The following MUC5AC variants were observed in gnomAD, a reference collection of about 807,000 sequenced individuals.
The protein encoded by MUC5AC is mucin-5AC.
MUC5AC carries 158 observed loss-of-function variants against 169.7 expected under a neutral mutation model. The observed-to-expected ratio is 0.93, with a 90% CI of 0.82 to 1.06. The LOEUF (loss-of-function observed/expected upper bound fraction) is 1.06, where lower values mean the gene tolerates loss of function less well. Ranked by LOEUF, MUC5AC falls within the 50% of genes least tolerant of loss-of-function variation. The pLI is 0.00. For synonymous variants in MUC5AC, 1,975 were observed against 1,237.0 expected (o/e 1.60, Z -12.52); for missense variants, 4,359 against 3,089.9 (o/e 1.41, Z -9.74).
chr11:1,177,830 G>A (rs1319823555), intron 24 of MUC5AC, among the ~76,000 whole-genome samples, 197 bp downstream of exon 24: 1 of 152,332 alleles, frequency 6.6e-6, no homozygotes, highest in Non-Finnish European at 1.5e-5. Context: ...TCAGTGTTCT[G>A]GGGCTAGAGC....
In MUC5AC at chr11:1,184,737, C is replaced by T. The variant is rs1860889877; in HGVS notation, c.6592C>T (p.Gln2198Ter). The change falls in exon 31 of 49, where the codon CAG (glutamine) becomes TAG (stop). Residue 2198 changes from glutamine to a stop codon, truncating the protein, a stop_gained. Transcript: ENST00000621226. LOFTEE classifies it high-confidence loss of function. ...EGLVCRNQDQQGPFKMCLNYE... is the reference protein window; with the variant it reads ...EGLVCRNQDQ ...CCTGGTGTGCCGGAACCAGGACCAGCAGGGACCCTTCAAGATGTGCCTCAA... is the reference window on the plus strand; with the variant it reads ...CCTGGTGTGCCGGAACCAGGACCAGTAGGGACCCTTCAAGATGTGCCTCAA... 1.6e-6 allele frequency: 1 copy of T among 637,108 alleles called. No individual in the cohort carries two copies. The highest frequency in any genetic ancestry group is 2.6e-5 in the Admixed American group (1 of 38,290). 39.5% of individuals were successfully genotyped at this position (637,108 alleles called of 1,614,324 possible). A position where few individuals can be genotyped will look rare whatever the true frequency, so the allele number is the denominator to read the frequency against.
chr11:1,168,183 G>C (rs993191030), intron 12 of MUC5AC, among the ~76,000 whole-genome samples, 196 bp downstream of exon 12: 2 of 152,176 alleles, frequency 1.3e-5, no homozygotes, highest in African/African-American at 4.8e-5. Flanking sequence ...CGGGCCTCCC[G>C]GGCCGCCATA....
intron 15 of MUC5AC, among the ~76,000 whole-genome samples, chr11:1,170,741 T>C (rs1313198813): frequency 7.3e-5 from 6 of 81,790 alleles, no homozygotes; most frequent in Non-Finnish European, 2.6e-5. Flanking sequence ...ACTCACCCAT[T>C]CACCCATTCA....
chr11:1,199,974 G>A lies in MUC5AC; in HGVS notation c.16700+5G>A, dbSNP rs1396388519. Reference sequence around the variant, plus strand: ...CTGTGGGGACAGCTCTTCCATGTACGTGCCTGGGCAGCAGGCAGGGAGACG... The same window carrying A: ...CTGTGGGGACAGCTCTTCCATGTACATGCCTGGGCAGCAGGCAGGGAGACG... On this transcript the variant is annotated splice_donor_5th_base_variant and intron_variant, in intron 48 of 48. Coordinates refer to ENST00000621226, the MANE Select transcript of MUC5AC (RefSeq NM_001304359.2). The A allele has an allele frequency of 5.3e-6, 4 of 758,354 alleles. No homozygotes were observed. The highest frequency in any genetic ancestry group is 1.4e-5 in the South Asian group (1 of 73,354). The allele number at this position is 758,354 out of a possible 1,614,324, so 47.0% of individuals were successfully genotyped here. A position where few individuals can be genotyped will look rare whatever the true frequency, so the allele number is the denominator to read the frequency against.
rs766453567 is a variant in MUC5AC at position 1,197,656 on chromosome 11, G to A, written c.16033+17G>A. On this transcript the variant is annotated intron_variant, in intron 41 of 48. Transcript: ENST00000621226. ...ACAGCTGCGGTAAGCCCTTTGCTGGGTGAGGGGCATGGTGTGGCAGGCAGG... is the reference window on the plus strand; with the variant it reads ...ACAGCTGCGGTAAGCCCTTTGCTGGATGAGGGGCATGGTGTGGCAGGCAGG... The A allele has an allele frequency of 2.6e-5, 18 of 683,362 alleles. No individual in the cohort carries two copies. In the African/African-American group the frequency reaches 2.8e-4, roughly 11 times the overall value. The allele number at this position is 683,362 out of a possible 1,614,324, so 42.3% of individuals were successfully genotyped here. A position where few individuals can be genotyped will look rare whatever the true frequency, so the allele number is the denominator to read the frequency against.
In MUC5AC at chr11:1,168,858, C is replaced by G; in HGVS notation, c.1706-4C>G. On this transcript the variant is annotated splice_polypyrimidine_tract_variant and splice_region_variant and intron_variant, in intron 14 of 48. Transcript: ENST00000621226. ...GGTCCTCAACCTGCCTAACCCGCCC[C>G]CAGGTCTCTGTGGGAACTTCAACAG... The G allele has an allele frequency of 6.3e-7, 1 of 1,588,738 alleles. No homozygotes were observed. Among genetic ancestry groups the G allele is most frequent in the South Asian group, 1.1e-5 (1 of 88,316 alleles).
Position 1,157,976 on chromosome 11 carries a change from G to A in MUC5AC, c.-24G>A, listed in dbSNP as rs1278968580. 5 of 1,571,796 alleles carry A rather than the reference G, an allele frequency of 3.2e-6. No homozygotes were observed. The highest frequency in any genetic ancestry group is 3.4e-4 in the Middle Eastern group (2 of 5,892). On this transcript the variant is annotated 5_prime_UTR_variant, in exon 1 of 49. Coordinates refer to ENST00000621226, the MANE Select transcript of MUC5AC (RefSeq NM_001304359.2). ...TCCTCAGAGGCTGCTGAGGGACAGG[G>A]CACTCTTCCCCGCCGTCCACACAAT...
In MUC5AC at chr11:1,185,278, G is replaced by T; in HGVS notation, c.7133G>T (p.Ser2378Ile). The T allele has an allele frequency of 3.5e-6, 2 of 572,978 alleles. No individual in the cohort carries two copies. The highest frequency in any genetic ancestry group is 6.2e-6 in the Non-Finnish European group (2 of 322,174). 35.5% of individuals were successfully genotyped at this position (572,978 alleles called of 1,614,324 possible). A position where few individuals can be genotyped will look rare whatever the true frequency, so the allele number is the denominator to read the frequency against. The change falls in exon 31 of 49, where the codon AGC becomes ATC. Residue 2378 changes from serine to isoleucine, a missense_variant. Coordinates refer to ENST00000621226, the MANE Select transcript of MUC5AC (RefSeq NM_001304359.2). ...PTTSTTSART[S>I]STTSATTTSR... ...ACCAGCACAACCTCTGCCCGTACAA[G>T]CAGCACAACCTCTGCCACTACCACC... is the stretch of plus-strand genomic sequence containing the variant.
chr11:1,173,423 A>G (rs1405654387), intron 16 of MUC5AC, among the ~76,000 whole-genome samples: 4 of 149,136 alleles, frequency 2.7e-5, no homozygotes, highest in African/African-American at 5.0e-5. Context: ...TCCTTCACCT[A>G]CTCATTCATT....
chr11:1,180,814 G>A (rs1355772063), intron 28 of MUC5AC, among the ~76,000 whole-genome samples: 2 of 152,128 alleles, frequency 1.3e-5, no homozygotes, highest in African/African-American at 4.8e-5. Flanking sequence ...AAGCTGGGCC[G>A]AGATGGAGCC....
chr11:1,161,997 G>A lies in MUC5AC; in HGVS notation c.302G>A (p.Gly101Asp), dbSNP rs1157118855. 4.3e-6 allele frequency: 7 copies of A among 1,612,476 alleles called. No homozygotes were observed. Among genetic ancestry groups the A allele is most frequent in the Non-Finnish European group, 3.4e-6 (4 of 1,179,740 alleles). ...TFDGDVFRFP[G>D]LCNYVFSEHC... ...GACGGCGACGTCTTCCGCTTCCCCGGCCTCTGCAACTACGTGTTCTCCGAG... is the reference window on the plus strand; with the variant it reads ...GACGGCGACGTCTTCCGCTTCCCCGACCTCTGCAACTACGTGTTCTCCGAG... The change falls in exon 4 of 49, where the codon GGC becomes GAC. Residue 101 changes from glycine (G) to aspartate (D), a missense_variant. Transcript: ENST00000621226.
intron 1 of MUC5AC, among the ~76,000 whole-genome samples, chr11:1,158,948 C>A (rs943397676): frequency 1.3e-5 from 2 of 152,234 alleles, no homozygotes; most frequent in Non-Finnish European, 2.9e-5. Context: ...GGACTCTGCC[C>A]CGCCGTCCCT....
chr11:1,169,742 C>T (rs1253435378), intron 15 of MUC5AC, among the ~76,000 whole-genome samples: 11 of 144,022 alleles, frequency 7.6e-5, no homozygotes, highest in East Asian at 2.2e-4. Flanking sequence ...CTCACCCATT[C>T]GCTCACTCAC....
intron 16 of MUC5AC, among the ~76,000 whole-genome samples, chr11:1,173,749 CATCCACTCACTCATCCACT>C (rs1860610847): frequency 2.0e-5 from 3 of 150,194 alleles, no homozygotes; most frequent in Non-Finnish European, 4.5e-5. Context: ...CTCACTCACT[CATCCACTCACTCATCCACT>C]CACTCACTCA....
intron 1 of MUC5AC, 133 bp from the exon 2 acceptor site, chr11:1,160,479 G>T: frequency 1.4e-6 from 1 of 698,418 alleles, no homozygotes. Context: ...AGCACAGAGA[G>T]AGCCCTTGCC....
chr11:1,197,841 G>A, intron 41 of MUC5AC, 62 bp from the exon 42 acceptor site: 1 of 681,810 alleles, frequency 1.5e-6, no homozygotes, highest in Admixed American at 2.1e-5. Flanking sequence ...AGACCCCAGG[G>A]GGTGGGCCTT....
chr11:1,175,204 C>G lies in MUC5AC; in HGVS notation c.2349-14C>G, dbSNP rs1278734431. On this transcript the variant is annotated splice_polypyrimidine_tract_variant and intron_variant, in intron 18 of 48. Transcript: ENST00000621226. ...CTGGCCCAGGCTGAGGCTCTGACCA[C>G]CATCTCCTCACAGCACCTGCACACA... 1.5e-5 allele frequency: 6 copies of G among 398,664 alleles called. No homozygotes were observed. The highest frequency in any genetic ancestry group is 2.7e-5 in the Non-Finnish European group (6 of 226,202). 24.7% of individuals were successfully genotyped at this position (398,664 alleles called of 1,614,324 possible). A position where few individuals can be genotyped will look rare whatever the true frequency, so the allele number is the denominator to read the frequency against.
chr11:1,169,524 C>T (rs1367596240), intron 15 of MUC5AC, among the ~76,000 whole-genome samples: 101 of 120,664 alleles, frequency 8.4e-4, no homozygotes, highest in African/African-American at 2.4e-3. Flanking sequence ...CACTCACTCA[C>T]CCACTCACCC....
chr11:1,196,960 G>C (rs1861293545), intron 40 of MUC5AC, 52 bp downstream of exon 40: 1 of 742,364 alleles, frequency 1.3e-6, no homozygotes, highest in Admixed American at 1.8e-5. Context: ...AGCCCGAGGA[G>C]GGAGGCTCTT....
Sources: allele counts gnomAD v4.1 joint callset (sites outside exome capture counted in the v4.1 genomes callset), GRCh38; gene constraint gnomAD v4.1.1; transcripts MANE v1.5; gene names NCBI Gene and HGNC (gene_info 2026-07-23, HGNC 2026-07-21).